Variants in SMAD2 observed in about 807,000 individuals in gnomAD.
SMAD2 encodes MAD homolog 2.
Under a neutral mutation model 64.4 loss-of-function variants are expected in SMAD2, and 8 were observed. The ratio of observed to expected loss-of-function variants is 0.12; its 90% CI spans 0.07 to 0.22. The LOEUF is 0.22. Among genes scored for constraint, SMAD2 ranks in the 10% least tolerant of loss-of-function variants. SMAD2 has a pLI of 1.00. For missense variants in SMAD2, 289 were observed against 561.2 expected (o/e 0.51, Z 4.90); for synonymous variants, 203 against 195.8 (o/e 1.04, Z -0.31).
chr18:47,913,692 AG>A (rs1182067960), intron 1 of SMAD2, among the ~76,000 whole-genome samples: 4 of 152,250 alleles, frequency 2.6e-5, no homozygotes, highest in Non-Finnish European at 4.4e-5. Flanking sequence ...AATGTGTTCC[AG>A]GTTAAAAACA....
At chr18:47,926,480 A>G (rs2034769522) in intron 1 of SMAD2, among the ~76,000 whole-genome samples, 1 of 152,126 alleles carries the variant, frequency 6.6e-6, no homozygotes, top group African/African-American at 2.4e-5. Flanking sequence ...TTTTCTGACA[A>G]GAGACACTAG....
rs1288819199 is a variant in SMAD2 at position 47,930,537 on chromosome 18, C to A, written c.-230G>T. On this transcript the variant is annotated 5_prime_UTR_variant, in exon 1 of 11. Transcript: ENST00000262160. ...CCCGCCCCGCCCCCAGGCCCGGGCC[C>A]GGCCGGCGGCCCGGGCGCGCGGGAG... is the stretch of plus-strand genomic sequence containing the variant. The A allele has an allele frequency of 6.9e-6, 1 of 145,014 alleles. No individual in the cohort carries two copies. Among genetic ancestry groups the A allele is most frequent in the East Asian group, 2.1e-4 (1 of 4,726 alleles). The allele number at this position is 145,014 out of a possible 1,614,324, so 9.0% of individuals were successfully genotyped here.
At chr18:47,902,026 A>C (rs2144491400) in intron 1 of SMAD2, among the ~76,000 whole-genome samples, 1 of 152,252 alleles carries the variant, frequency 6.6e-6, no homozygotes, top group Middle Eastern at 3.4e-3. Context: ...AGGACTAGAA[A>C]ATATCCCAAT....
At chr18:47,856,918 C>T (rs1240856982) in intron 6 of SMAD2, among the ~76,000 whole-genome samples, 17 of 133,982 alleles carry the variant, frequency 1.3e-4, no homozygotes, top group African/African-American at 4.5e-4. Context: ...AGTGCAGTGG[C>T]GGGATCTCGG....
chr18:47,873,098 C>T (rs2032043375), intron 2 of SMAD2, among the ~76,000 whole-genome samples: 1 of 151,888 alleles, frequency 6.6e-6, no homozygotes, highest in African/African-American at 2.4e-5. Context: ...CCTCAGCCTC[C>T]CAAAATGCTG....
chr18:47,882,257 GCAAT>G (rs1175513138), intron 2 of SMAD2: 2 of 152,160 alleles, frequency 1.3e-5, no homozygotes, highest in Middle Eastern at 3.2e-3. Flanking sequence ...GTGCACTGGT[GCAAT>G]CATAGCTCAC....
rs1325721505 is a variant in SMAD2 at position 47,834,416 on chromosome 18, T to G, written c.*7411A>C. 4.8e-6 allele frequency: 1 copy of G among 207,270 alleles called. No homozygotes were observed. Among genetic ancestry groups the G allele is most frequent in the Non-Finnish European group, 9.8e-6 (1 of 101,594 alleles). 12.8% of individuals were successfully genotyped at this position (207,270 alleles called of 1,614,324 possible). On this transcript the variant is annotated 3_prime_UTR_variant, in exon 11 of 11. Coordinates refer to ENST00000262160, the MANE Select transcript of SMAD2 (RefSeq NM_005901.6). ...TATATACAAAACTCTGCTAAAAGTT[T>G]TGTATCCAGGGAAAGTCCCGCATCC...
At chr18:47,862,524 TA>T (rs1472897399) in intron 6 of SMAD2, among the ~76,000 whole-genome samples, 2 of 152,222 alleles carry the variant, frequency 1.3e-5, no homozygotes, top group African/African-American at 4.8e-5. Flanking sequence ...CATCTTCATA[TA>T]GCACATTCCT....
chr18:47,848,785 GC>G, intron 7 of SMAD2, 98 bp from the exon 8 acceptor site: 1 of 863,010 alleles, frequency 1.2e-6, no homozygotes, highest in Non-Finnish European at 1.8e-6. Context: ...CATGCTCTAT[GC>G]CAGCCTGCAC....
Position 47,886,003 on chromosome 18 carries a change from T to C in SMAD2, c.236+10518A>G, listed in dbSNP as rs765361134. On this transcript the variant is annotated intron_variant, in intron 2 of 10. Transcript: ENST00000262160. ...CAAAGTATATGGTGGGGGATGTACATAGGTTATATGCGAATACTATGCCAT... is the reference window on the plus strand; with the variant it reads ...CAAAGTATATGGTGGGGGATGTACACAGGTTATATGCGAATACTATGCCAT... Among the ~76,000 whole-genome samples the C allele has an allele frequency of 1.4e-4, 22 of 152,254 alleles. No homozygotes were observed. The Middle Eastern group carries it at 0.01, about 71-fold the overall frequency.
intron 1 of SMAD2, among the ~76,000 whole-genome samples, chr18:47,910,913 A>G (rs1357430984): frequency 6.6e-6 from 1 of 152,152 alleles, no homozygotes; most frequent in Admixed American, 6.5e-5. Flanking sequence ...CAACCACCCC[A>G]TTGTTCAAGG....
At chr18:47,906,441 A>G (rs944752423) in intron 1 of SMAD2, among the ~76,000 whole-genome samples, 1 of 152,336 alleles carries the variant, frequency 6.6e-6, no homozygotes, top group African/African-American at 2.4e-5. Flanking sequence ...GACATGTCAT[A>G]AAAGACACAG....
At position 47,851,948 on chromosome 18, in the gene SMAD2, AT is replaced by A. The variant is rs1233708927; in HGVS notation, c.731-622del. The stretch of plus-strand genomic sequence containing the variant: ...GTTTGTGTATTTGCAATTTTGATAG[AT>A]TTGGGTAAAATTATCATTCATCAAG... On this transcript the variant is annotated intron_variant, in intron 6 of 10. Transcript: ENST00000262160. 8.5e-5 allele frequency among the ~76,000 whole-genome samples: 13 copies of A among 152,284 alleles called. 1 individual carries two copies. In the South Asian group the frequency reaches 1.9e-3, roughly 22 times the overall value.
rs887408715 is a variant in SMAD2 at position 47,825,773 on chromosome 18, T to G, written c.*16054A>C. 3 of 152,188 alleles carry G rather than the reference T, an allele frequency of 2.0e-5. No homozygotes were observed. Among genetic ancestry groups the G allele is most frequent in the Non-Finnish European group, 4.4e-5 (3 of 68,040 alleles). 9.4% of individuals were successfully genotyped at this position (152,188 alleles called of 1,614,324 possible). On this transcript the variant is annotated 3_prime_UTR_variant, in exon 11 of 11. Coordinates refer to ENST00000262160, the MANE Select transcript of SMAD2 (RefSeq NM_005901.6). ...TTGACTCTCCGGGCAAGATAACTGT[T>G]GTCTTTTTAAAATTTCAGTGTCAAA...
intron 1 of SMAD2, among the ~76,000 whole-genome samples, chr18:47,927,946 C>A (rs1030932773): frequency 1.3e-5 from 2 of 152,284 alleles, no homozygotes; most frequent in African/African-American, 4.8e-5. Flanking sequence ...CTCATAACCT[C>A]TCTTAACTGG....
At chr18:47,842,539 G>T (rs776130878) in intron 10 of SMAD2, among the ~76,000 whole-genome samples, 1 of 151,924 alleles carries the variant, frequency 6.6e-6, no homozygotes, top group Non-Finnish European at 1.5e-5. Context: ...ACTCTGTCTC[G>T]GGGTGGGGGG....
At chr18:47,920,611 T>C (rs1182520974) in intron 1 of SMAD2, among the ~76,000 whole-genome samples, 1 of 152,230 alleles carries the variant, frequency 6.6e-6, no homozygotes, top group Non-Finnish European at 1.5e-5. Flanking sequence ...AAAGGAGGCT[T>C]ACTTTTTTCA....
intron 2 of SMAD2, among the ~76,000 whole-genome samples, chr18:47,886,561 A>ATATCTATCCATC (rs1184972825): frequency 2.2e-5 from 3 of 135,114 alleles, no homozygotes; most frequent in Admixed American, 8.1e-5. Context: ...AACTATATCT[A>ATATCTATCCATC]TATCTATCCA....
rs753148224 is a variant in SMAD2, at chr18:47,814,028, TAA to T, written c.*27797_*27798del. 2.0e-5 allele frequency: 3 copies of T among 152,130 alleles called. No individual in the cohort carries two copies. The East Asian group carries it at 5.8e-4, about 29-fold the overall frequency. The allele number at this position is 152,130 out of a possible 1,614,324, so 9.4% of individuals were successfully genotyped here. Reference sequence around the variant, plus strand: ...ATAACCTGAACTTGGCTTTGAGGAATAAAGAGTTTTATATCAGGGCATCAAGA... The same window carrying T: ...ATAACCTGAACTTGGCTTTGAGGAATAGAGTTTTATATCAGGGCATCAAGA... On this transcript the variant is annotated 3_prime_UTR_variant, in exon 11 of 11. Coordinates refer to ENST00000262160, the MANE Select transcript of SMAD2 (RefSeq NM_005901.6).
Sources: gnomAD v4.1 joint callset for allele counts (sites outside exome capture counted in the v4.1 genomes callset) on GRCh38, gnomAD v4.1.1 for gene constraint, MANE v1.5 for transcripts, NCBI Gene and HGNC (gene_info 2026-07-23, HGNC 2026-07-21) for gene names.